ZCWPW2: variants seen among roughly 807,000 people sequenced by gnomAD.
The protein encoded by ZCWPW2 is zinc finger CW-type PWWP domain protein 2.
Under a neutral mutation model 46.6 loss-of-function variants are expected in ZCWPW2, and 45 were observed. The ratio of observed to expected loss-of-function variants is 0.96; its 90% confidence interval spans 0.76 to 1.24. The LOEUF (loss-of-function observed/expected upper bound fraction) is 1.24, where lower values mean the gene tolerates loss of function less well. Ranked by LOEUF, ZCWPW2 falls within the 50% of genes most tolerant of loss-of-function variation. The pLI is 0.00. For synonymous variants in ZCWPW2, 152 were observed against 137.1 expected, an observed-to-expected ratio of 1.11 and a Z score of -0.76; for missense variants, 429 against 403.9, an observed-to-expected ratio of 1.06 and a Z score of -0.53.
chr3:28,467,893 C>A (rs1299286254), intron 4 of ZCWPW2, among the ~76,000 whole-genome samples: 1 of 152,078 alleles, frequency 6.6e-6, no homozygotes, highest in Non-Finnish European at 1.5e-5. Context: ...CAATAAATAC[C>A]TAACTCTTTA....
chr3:28,396,626 C>T (rs1413989604), intron 2 of ZCWPW2, among the ~76,000 whole-genome samples: 1 of 152,100 alleles, frequency 6.6e-6, no homozygotes, highest in Non-Finnish European at 1.5e-5. Flanking sequence ...TTCTCAAACC[C>T]AGGAGAGTTG....
At chr3:28,505,713 GCA>G (rs1433225966) in intron 6 of ZCWPW2, among the ~76,000 whole-genome samples, 9 of 151,994 alleles carry the variant, frequency 5.9e-5, no homozygotes, top group African/African-American at 2.2e-4. Flanking sequence ...ATTATTCAAA[GCA>G]CACAGATTCA....
At chr3:28,461,006 G>C (rs779648396) in intron 4 of ZCWPW2, 11 of 265,500 alleles carry the variant, frequency 4.1e-5, no homozygotes, top group Non-Finnish European at 8.6e-5. Context: ...TGTTGCTACA[G>C]ACATATAAGA....
At chr3:28,423,070 G>A (rs140929454) in intron 3 of ZCWPW2, among the ~76,000 whole-genome samples, 2 of 151,960 alleles carry the variant, frequency 1.3e-5, no homozygotes, top group African/African-American at 4.8e-5. Flanking sequence ...TTATTGTAAA[G>A]TTTGAAGAGT....
intron 4 of ZCWPW2, among the ~76,000 whole-genome samples, chr3:28,466,672 AC>A (rs1251698599): frequency 6.6e-6 from 1 of 152,010 alleles, no homozygotes; most frequent in Non-Finnish European, 1.5e-5. Context: ...GGTGGCACAC[AC>A]CTTTAGTCCC....
chr3:28,461,076 AAAG>A (rs1698615198), intron 4 of ZCWPW2: 1 of 204,858 alleles, frequency 4.9e-6, no homozygotes, highest in Non-Finnish European at 1.1e-5. Flanking sequence ...GAAGCTCTAT[AAAG>A]AAGATTGTAA....
chr3:28,465,568 CA>C (rs1698789182), intron 4 of ZCWPW2, among the ~76,000 whole-genome samples: 1 of 152,020 alleles, frequency 6.6e-6, no homozygotes, highest in Non-Finnish European at 1.5e-5. Context: ...ACTGGTTGTT[CA>C]GGTGGGAAAT....
In ZCWPW2 at chr3:28,440,365, A is replaced by C. The variant is rs889376521; in HGVS notation, c.492+5096A>C. Among the ~76,000 whole-genome samples, 5 of 152,196 alleles carry C rather than the reference A, an allele frequency of 3.3e-5. No homozygotes were observed. In the East Asian group the frequency reaches 9.6e-4, roughly 29 times the overall value. On this transcript the variant is annotated intron_variant, in intron 4 of 9. Coordinates refer to ENST00000383768, the MANE Select transcript of ZCWPW2 (RefSeq NM_001040432.4). ...ACTAAGACCTCTAGGCCAGCAAAACATAATGTTGCAGAAACAGGAAGCAAA... is the reference window on the plus strand; with the variant it reads ...ACTAAGACCTCTAGGCCAGCAAAACCTAATGTTGCAGAAACAGGAAGCAAA...
At chr3:28,505,216 A>G (rs752618447) in intron 6 of ZCWPW2, among the ~76,000 whole-genome samples, 1 of 152,128 alleles carries the variant, frequency 6.6e-6, no homozygotes, top group African/African-American at 2.4e-5. Flanking sequence ...AAGCCCCTCA[A>G]AGCAGAGAAA....
intron 1 of ZCWPW2, among the ~76,000 whole-genome samples, chr3:28,360,491 C>T (rs977317142): frequency 6.6e-6 from 1 of 150,644 alleles, no homozygotes; most frequent in Non-Finnish European, 1.5e-5. Flanking sequence ...CCACGGCACT[C>T]CAGCCTGGGT....
chr3:28,390,759 C>G (rs1695454911), intron 2 of ZCWPW2, 142 bp downstream of exon 2: 1 of 675,270 alleles, frequency 1.5e-6, no homozygotes, highest in Non-Finnish European at 1.8e-6. Flanking sequence ...AATAATTTTT[C>G]AGATAAAATT....
chr3:28,424,231 AC>A (rs1696913400), intron 3 of ZCWPW2, among the ~76,000 whole-genome samples: 1 of 95,760 alleles, frequency 1.0e-5, no homozygotes, highest in Admixed American at 1.1e-4. Flanking sequence ...TTATTCCAAC[AC>A]ACACACACAC....
At chr3:28,479,623 G>A (rs1030242468) in intron 5 of ZCWPW2, among the ~76,000 whole-genome samples, 1 of 152,092 alleles carries the variant, frequency 6.6e-6, no homozygotes, top group Non-Finnish European at 1.5e-5. Context: ...TCATAACCCA[G>A]GTATTAAGCT....
At chr3:28,499,499 G>A (rs1700085122) in intron 6 of ZCWPW2, among the ~76,000 whole-genome samples, 1 of 151,726 alleles carries the variant, frequency 6.6e-6, no homozygotes, top group African/African-American at 2.4e-5. Flanking sequence ...GTGGTTGTTT[G>A]GTTTTTTTCT....
At chr3:28,522,663 C>T (rs1022057250) in intron 9 of ZCWPW2, among the ~76,000 whole-genome samples, 1 of 152,034 alleles carries the variant, frequency 6.6e-6, no homozygotes, top group Non-Finnish European at 1.5e-5. Flanking sequence ...TTAAGAACTC[C>T]TACTTAGTTG....
chr3:28,420,557 T>C (rs1696728003), intron 3 of ZCWPW2, among the ~76,000 whole-genome samples: 1 of 151,936 alleles, frequency 6.6e-6, no homozygotes, highest in Admixed American at 6.6e-5. Context: ...TCTCACTTTT[T>C]TTTAGTTTTT....
chr3:28,489,674 A>T (rs62250302), intron 5 of ZCWPW2, among the ~76,000 whole-genome samples: 1 of 42,584 alleles, frequency 2.3e-5, no homozygotes, highest in Non-Finnish European at 6.1e-5. Flanking sequence ...GCGCGCACAC[A>T]CACACACACA....
chr3:28,361,637 T>C (rs888877889), intron 1 of ZCWPW2, among the ~76,000 whole-genome samples: 4 of 151,864 alleles, frequency 2.6e-5, no homozygotes, highest in Admixed American at 2.6e-4. Context: ...ATGCATCTGA[T>C]AGGGGATTAA....
At position 28,514,067 on chromosome 3, in the gene ZCWPW2, C is replaced by T. The variant is rs1348524967; in HGVS notation, c.661C>T (p.Gln221Ter). The T allele has an allele frequency of 6.6e-7, 1 of 1,507,650 alleles. No individual in the cohort carries two copies. Among genetic ancestry groups the T allele is most frequent in the Non-Finnish European group, 9.1e-7 (1 of 1,103,148 alleles). 93.4% of individuals were successfully genotyped at this position (1,507,650 alleles called of 1,614,324 possible). Reference sequence around the variant, plus strand: ...TATTTTTGTTTTTGTGTTATAGAAGCAGACTTCTAAAAATAATATTGAAAA... The same window carrying T: ...TATTTTTGTTTTTGTGTTATAGAAGTAGACTTCTAAAAATAATATTGAAAA... ...KVAALVKKRK[Q>*]TSKNNIEKKK... The change falls in exon 7 of 10, where the codon CAG becomes TAG. Residue 221 changes from glutamine to a stop codon, truncating the protein, a stop_gained. Transcript: ENST00000383768. LOFTEE classifies it high-confidence loss of function.
Sources: gnomAD v4.1 joint callset for allele counts (sites outside exome capture counted in the v4.1 genomes callset) on GRCh38, gnomAD v4.1.1 for gene constraint, MANE v1.5 for transcripts, NCBI Gene and HGNC (gene_info 2026-07-23, HGNC 2026-07-21) for gene names.